Variants in HTR2B observed in about 807,000 individuals in gnomAD.
The protein encoded by HTR2B is 5-HT 2B receptor.
In HTR2B, 31 loss-of-function variants were observed where a neutral mutation model predicts 39.8. The ratio of observed to expected loss-of-function variants is 0.78; its 90% confidence interval spans 0.58 to 1.05. HTR2B has a LOEUF of 1.05. Ranked by LOEUF, HTR2B falls within the 50% of genes least tolerant of loss-of-function variation. The pLI is 0.00. For missense variants in HTR2B, 562 were observed against 578.0 expected, an observed-to-expected ratio of 0.97 and a Z score of 0.28; for synonymous variants, 210 against 207.1, an observed-to-expected ratio of 1.01 and a Z score of -0.12.
rs1227107501 is a variant in HTR2B at position 231,108,595 on chromosome 2, TGAA to T, written c.1365_1367del (p.Ser457del). The T allele has an allele frequency of 6.2e-7, 1 of 1,614,014 alleles. No homozygotes were observed. Among genetic ancestry groups the T allele is most frequent in the East Asian group, 2.2e-5 (1 of 44,848 alleles). Reference sequence around the variant, plus strand: ...GAAGCGTATCTAGTAGAATGATTGATGAAGACTGAATGGTTGAACTTCGGAGCC... The same window carrying T: ...GAAGCGTATCTAGTAGAATGATTGATGACTGAATGGTTGAACTTCGGAGCC... On this transcript the variant is annotated inframe_deletion, in exon 4 of 4. Coordinates refer to ENST00000258400, the MANE Select transcript of HTR2B (RefSeq NM_000867.5).
chr2:231,110,630 T>G (rs1280070927), intron 3 of HTR2B, among the ~76,000 whole-genome samples: 1 of 152,216 alleles, frequency 6.6e-6, no homozygotes, highest in Non-Finnish European at 1.5e-5. Flanking sequence ...CCTCAAACCC[T>G]TTCTAACAGA....
rs116419780 is a variant in HTR2B at position 231,115,280 on chromosome 2, C to T, written c.353-1351G>A. On this transcript the variant is annotated intron_variant, in intron 2 of 3. Coordinates refer to ENST00000258400, the MANE Select transcript of HTR2B (RefSeq NM_000867.5). Reference sequence around the variant, plus strand: ...ATCAAGTAGGAGATTTTTTTAAAGTCAGGTAGGATTTCAGTGAAAAATATC... The same window carrying T: ...ATCAAGTAGGAGATTTTTTTAAAGTTAGGTAGGATTTCAGTGAAAAATATC... Among the ~76,000 whole-genome samples the T allele has an allele frequency of 4.5e-3, 681 of 151,232 alleles. 5 individuals are homozygous for T. The highest frequency in any genetic ancestry group is 0.016 in the African/African-American group (660 of 41,208).
intron 2 of HTR2B, among the ~76,000 whole-genome samples, chr2:231,114,670 T>TA (rs1322249065): frequency 1.3e-5 from 2 of 152,202 alleles, no homozygotes; most frequent in Non-Finnish European, 2.9e-5. Context: ...AACAAACTCT[T>TA]ATAAAACACT....
chr2:231,124,586 GA>G lies in HTR2B; in HGVS notation c.-367+385del, dbSNP rs879843549. The stretch of plus-strand genomic sequence containing the variant: ...TAGATTTCCTTTAGTTTGAGAGAAG[GA>G]AAAAAAAAGGTATTACTAGGATCCA... On this transcript the variant is annotated intron_variant, in intron 1 of 3. Coordinates refer to ENST00000258400, the MANE Select transcript of HTR2B (RefSeq NM_000867.5). Among the ~76,000 whole-genome samples the G allele has an allele frequency of 7.4e-5, 11 of 149,460 alleles. No homozygotes were observed. In the East Asian group the frequency reaches 7.8e-4, roughly 11 times the overall value.
chr2:231,117,980 A>G (rs2125222504), intron 2 of HTR2B, among the ~76,000 whole-genome samples: 1 of 152,218 alleles, frequency 6.6e-6, no homozygotes, highest in East Asian at 1.9e-4. Flanking sequence ...TCTCATTGAC[A>G]TTTGAGAAAG....
intron 3 of HTR2B, among the ~76,000 whole-genome samples, chr2:231,113,238 C>T (rs894813930): frequency 2.0e-5 from 3 of 152,140 alleles, no homozygotes; most frequent in Admixed American, 6.5e-5. Flanking sequence ...CACATATGTA[C>T]AGAAATGTTG....
intron 2 of HTR2B, among the ~76,000 whole-genome samples, chr2:231,118,905 T>C (rs1418801533): frequency 6.6e-6 from 1 of 152,240 alleles, no homozygotes; most frequent in African/African-American, 2.4e-5. Flanking sequence ...ATACTTCTTA[T>C]GTCCAAAAAG....
intron 2 of HTR2B, 30 bp from the exon 3 acceptor site, chr2:231,113,959 T>G: frequency 6.3e-7 from 1 of 1,591,090 alleles, no homozygotes; most frequent in Non-Finnish European, 8.6e-7. Flanking sequence ...GACAAACATT[T>G]TATTCTATAA....
chr2:231,118,789 T>G (rs1315737846), intron 2 of HTR2B, among the ~76,000 whole-genome samples: 1 of 152,198 alleles, frequency 6.6e-6, no homozygotes, highest in East Asian at 1.9e-4. Context: ...AATGTTTCCC[T>G]TTGGAGGATG....
chr2:231,119,763 C>T (rs1394238306), intron 2 of HTR2B, among the ~76,000 whole-genome samples: 3 of 144,970 alleles, frequency 2.1e-5, no homozygotes, highest in South Asian at 2.4e-4. Flanking sequence ...CCCAGCTACT[C>T]GGGAGGCTGA....
intron 2 of HTR2B, among the ~76,000 whole-genome samples, chr2:231,119,643 G>A (rs542563302): frequency 1.3e-5 from 2 of 152,222 alleles, no homozygotes; most frequent in East Asian, 3.9e-4. Context: ...GGCCGAGGCA[G>A]GTGGATCACC....
chr2:231,114,269 C>A (rs1695257922), intron 2 of HTR2B, among the ~76,000 whole-genome samples: 1 of 152,044 alleles, frequency 6.6e-6, no homozygotes, highest in Non-Finnish European at 1.5e-5. Context: ...TGGAACTTAA[C>A]CTTGGTATTT....
chr2:231,123,524 G>A lies in HTR2B; in HGVS notation c.241C>T (p.Leu81=), dbSNP rs2125233060. The A allele has an allele frequency of 6.2e-7, 1 of 1,614,058 alleles. No homozygotes were observed. The highest frequency in any genetic ancestry group is 1.1e-5 in the South Asian group (1 of 91,080). ...GTAGCATACTGCAGCTTCTTCTCCA[G>A]TGAAACAGCCAGAATAACAAGGGTA... ...GNTLVILAVS[L]EKKLQYATNY... Residue 81 remains leucine, a synonymous_variant, in exon 2 of 4, where the codon CTG becomes TTG. Transcript: ENST00000258400.
intron 3 of HTR2B, among the ~76,000 whole-genome samples, chr2:231,112,889 G>A (rs1418066460): frequency 2.6e-5 from 4 of 152,168 alleles, no homozygotes; most frequent in Non-Finnish European, 5.9e-5. Context: ...AAACACTTAA[G>A]TGCAGTGACT....
intron 3 of HTR2B, among the ~76,000 whole-genome samples, chr2:231,110,874 C>G (rs1695136601): frequency 6.6e-6 from 1 of 152,220 alleles, no homozygotes; most frequent in South Asian, 2.1e-4. Context: ...CATATACGCC[C>G]TGCAAGCCCA....
rs781646655 is a variant in HTR2B, at chr2:231,123,507, C to A, written c.258G>T (p.Gln86His). 1.2e-6 allele frequency: 2 copies of A among 1,614,104 alleles called. No individual in the cohort carries two copies. Among genetic ancestry groups the A allele is most frequent in the Admixed American group, 3.3e-5 (2 of 60,026 alleles). Residue 86 changes from glutamine to histidine, a missense_variant, in exon 2 of 4, where the codon CAG becomes CAT. Gln to His is a conservative substitution (Grantham distance 24). Coordinates refer to ENST00000258400, the MANE Select transcript of HTR2B (RefSeq NM_000867.5). ...ACATTAGAAAGTAATTAGTAGCATA[C>A]TGCAGCTTCTTCTCCAGTGAAACAG... ...ILAVSLEKKL[Q>H]YATNYFLMSL...
In HTR2B at chr2:231,123,690, G is replaced by T; in HGVS notation, c.75C>A (p.His25Gln). 6.2e-7 allele frequency: 1 copy of T among 1,614,008 alleles called. No individual in the cohort carries two copies. Among genetic ancestry groups the T allele is most frequent in the Non-Finnish European group, 8.5e-7 (1 of 1,179,906 alleles). The stretch of plus-strand genomic sequence containing the variant: ...ATCCAGACCAGTTAGAAGAGATAAC[G>T]TGAACAAAGGTGCTCTGCAAAATGT... ...PEHILQSTFVHVISSNWSGLQ... is the reference protein window; with the variant it reads ...PEHILQSTFVQVISSNWSGLQ... The change falls in exon 2 of 4, where the codon CAC becomes CAA. Residue 25 changes from histidine (H) to glutamine (Q), a missense_variant. Physicochemically the swap from His to Gln is conservative, Grantham distance 24. Transcript: ENST00000258400.
chr2:231,123,605 G>C lies in HTR2B; in HGVS notation c.160C>G (p.Leu54Val), dbSNP rs146265859. The stretch of plus-strand genomic sequence containing the variant: ...AGTATCAGAAGAGCTGCCCAGTGCA[G>C]TTTATTTCCCTGTTCCTCAACAATC... ...KQIVEEQGNK[L>V]HWAALLILMV... is the part of the protein sequence containing the mutation. Residue 54 changes from leucine (L) to valine (V), a missense_variant, in exon 2 of 4, where the codon CTG (leucine) becomes GTG (valine). Transcript: ENST00000258400. 33 of 1,614,088 alleles carry C rather than the reference G, an allele frequency of 2.0e-5. No homozygotes were observed. In the African/African-American group the frequency reaches 4.1e-4, roughly 20 times the overall value.
chr2:231,108,698 G>A lies in HTR2B; in HGVS notation c.1265C>T (p.Ala422Val), dbSNP rs1206334857. 3 of 1,614,082 alleles carry A rather than the reference G, an allele frequency of 1.9e-6. No homozygotes were observed. In the Admixed American group the frequency reaches 5.0e-5, roughly 27 times the overall value. ...TTTCTTGAAAAACTTAGAGTTCTCT[G>A]CCATTGGATTCCGGAAGTAGATCTT... Reference protein sequence around the residue: ...SSKIYFRNPMAENSKFFKKHG... With the variant: ...SSKIYFRNPMVENSKFFKKHG... Residue 422 changes from alanine (A) to valine (V), a missense_variant, in exon 4 of 4, where the codon GCA becomes GTA. Transcript: ENST00000258400.
Sources: gnomAD v4.1 joint callset for allele counts (sites outside exome capture counted in the v4.1 genomes callset) on GRCh38, gnomAD v4.1.1 for gene constraint, MANE v1.5 for transcripts, NCBI Gene and HGNC (gene_info 2026-07-23, HGNC 2026-07-21) for gene names.